LAMB1: variants seen among roughly 807,000 people sequenced by gnomAD.
LAMB1 encodes laminin subunit beta-1.
A neutral mutation model predicts 222.3 loss-of-function variants in LAMB1; 121 were observed. The observed-to-expected ratio is 0.54, with a 90% CI of 0.47 to 0.63. The LOEUF (loss-of-function observed/expected upper bound fraction) is 0.63. LAMB1 is among the 30% of genes least tolerant of loss of function. The probability of loss-of-function intolerance (pLI) is 0.00; values close to 1 mark genes in which losing one functional copy is unlikely to be tolerated. For synonymous variants in LAMB1, 794 were observed against 807.2 expected (o/e 0.98, Z 0.28); for missense variants, 2,172 against 2,240.8 (o/e 0.97, Z 0.62).
intron 13 of LAMB1, among the ~76,000 whole-genome samples, chr7:107,966,447 G>A (rs924558113): frequency 2.0e-5 from 3 of 152,040 alleles, no homozygotes; most frequent in African/African-American, 7.2e-5. Flanking sequence ...CTGACCTCGT[G>A]ATCCATCTGC....
chr7:107,930,322 T>C (rs373212078), intron 29 of LAMB1, among the ~76,000 whole-genome samples: 6 of 152,248 alleles, frequency 3.9e-5, no homozygotes, highest in African/African-American at 9.6e-5. Context: ...TTTTAAACTA[T>C]TGAACATAAA....
chr7:107,998,513 A>G (rs1446643079), intron 3 of LAMB1, 21 bp from the exon 4 acceptor site: 2 of 1,610,286 alleles, frequency 1.2e-6, no homozygotes, highest in East Asian at 4.5e-5. Context: ...AGTTGAGTTC[A>G]TCAGTCTAGA....
chr7:107,947,090 A>C (rs1489396240), intron 24 of LAMB1, among the ~76,000 whole-genome samples: 1 of 152,184 alleles, frequency 6.6e-6, no homozygotes, highest in Non-Finnish European at 1.5e-5. Flanking sequence ...CAGCACGTTC[A>C]TGGTGGGTGG....
At chr7:107,981,381 G>A (rs1024591919) in intron 7 of LAMB1, among the ~76,000 whole-genome samples, 1 of 151,948 alleles carries the variant, frequency 6.6e-6, no homozygotes, top group Admixed American at 6.6e-5. Flanking sequence ...CTGGGAGGTG[G>A]AGGTTGCAGT....
At chr7:107,959,550 C>T (rs772158119) in intron 19 of LAMB1, 70 bp from the exon 20 acceptor site, 2 of 1,605,758 alleles carry the variant, frequency 1.2e-6, no homozygotes, top group Non-Finnish European at 1.7e-6. Context: ...CTTTTATAAG[C>T]ACCCTGTCCC....
intron 26 of LAMB1, 79 bp downstream of exon 26, chr7:107,937,014 C>T: frequency 6.8e-6 from 8 of 1,172,150 alleles, no homozygotes; most frequent in South Asian, 1.7e-5. Context: ...TTTTTTTTTT[C>T]CCCAAAAGTG....
chr7:108,002,484 G>T, intron 2 of LAMB1: 1 of 1,218,194 alleles, frequency 8.2e-7, no homozygotes. Context: ...CACTCTCCTG[G>T]GCAATGGATT....
At chr7:107,982,868 G>A (rs1359885629) in intron 7 of LAMB1, among the ~76,000 whole-genome samples, 2 of 152,122 alleles carry the variant, frequency 1.3e-5, no homozygotes, top group Admixed American at 6.6e-5. Context: ...GCATGCTTCC[G>A]TAACATAGAA....
intron 7 of LAMB1, 62 bp from the exon 8 acceptor site, chr7:107,980,873 T>C (rs77435651): frequency 8.5e-6 from 8 of 945,770 alleles, no homozygotes; most frequent in African/African-American, 3.4e-5. Context: ...TTTTTTTTTT[T>C]CCTTGCATCA....
chr7:107,961,279 G>A lies in LAMB1; in HGVS notation c.2036C>T (p.Thr679Met), dbSNP rs373152146. The part of the protein sequence containing the change: ...PVCFEKGTNY[T>M]VRLELPQYTS... ...GTACTGAGGCAGCTCCAACCTCACC[G>A]TGTAGTTTGTTCCCTTCTCAAAGCA... Residue 679 changes from threonine to methionine, a missense_variant, in exon 17 of 34, where the codon ACG becomes ATG. Thr to Met is a moderately conservative substitution (Grantham distance 81). Coordinates refer to ENST00000222399, the MANE Select transcript of LAMB1 (RefSeq NM_002291.3). 96 of 1,613,942 alleles carry A rather than the reference G, an allele frequency of 5.9e-5. No homozygotes were observed. Among genetic ancestry groups the A allele is most frequent in the Middle Eastern group, 4.9e-4 (3 of 6,084 alleles).
At chr7:107,926,016 T>G (rs2032554739) in intron 32 of LAMB1, among the ~76,000 whole-genome samples, 167 bp downstream of exon 32, 1 of 152,184 alleles carries the variant, frequency 6.6e-6, no homozygotes, top group Non-Finnish European at 1.5e-5. Context: ...TATTTCCATA[T>G]TCTTTCCCAT....
intron 24 of LAMB1, chr7:107,942,000 A>G (rs571101645): frequency 2.0e-4 from 17 of 84,732 alleles, no homozygotes; most frequent in Admixed American, 1.8e-3. Flanking sequence ...CCTCTGAAAA[A>G]CTTTTTTTTT....
intron 29 of LAMB1, among the ~76,000 whole-genome samples, chr7:107,930,914 A>G (rs1450540018): frequency 6.6e-6 from 1 of 152,178 alleles, no homozygotes; most frequent in African/African-American, 2.4e-5. Flanking sequence ...GTTTTCTGTA[A>G]TTTGCAGCCA....
chr7:107,958,744 C>T (rs978406269), intron 20 of LAMB1, among the ~76,000 whole-genome samples: 3 of 152,168 alleles, frequency 2.0e-5, no homozygotes, highest in Non-Finnish European at 4.4e-5. Context: ...TCTAGCACAT[C>T]CATAATGATT....
intron 28 of LAMB1, 136 bp downstream of exon 28, chr7:107,932,038 G>A: frequency 2.4e-6 from 2 of 833,566 alleles, no homozygotes; most frequent in Non-Finnish European, 3.9e-6. Flanking sequence ...ACAGAAACAT[G>A]AACTTTCATA....
intron 24 of LAMB1, among the ~76,000 whole-genome samples, chr7:107,940,774 C>CA (rs1383990871): frequency 1.3e-5 from 2 of 152,194 alleles, no homozygotes; most frequent in Non-Finnish European, 2.9e-5. Flanking sequence ...CTATACTCTT[C>CA]ACCTCCGTCC....
intron 13 of LAMB1, among the ~76,000 whole-genome samples, chr7:107,971,504 A>G (rs546233840): frequency 1.1e-4 from 16 of 152,328 alleles, no homozygotes; most frequent in African/African-American, 3.8e-4. Flanking sequence ...GAGGGACAAC[A>G]ACTTTGAAAA....
chr7:107,989,931 C>T (rs890489739), intron 5 of LAMB1, among the ~76,000 whole-genome samples: 1 of 152,206 alleles, frequency 6.6e-6, no homozygotes, highest in Non-Finnish European at 1.5e-5. Context: ...GAATCCTTTC[C>T]ATACTCTCTG....
intron 9 of LAMB1, among the ~76,000 whole-genome samples, chr7:107,977,015 CTCCT>C (rs1168322162): frequency 2.2e-5 from 2 of 91,304 alleles, no homozygotes; most frequent in Non-Finnish European, 5.5e-5. Flanking sequence ...TTTCCTCTCT[CTCCT>C]TCCTTCCTTT....
Sources: allele counts gnomAD v4.1 joint callset (sites outside exome capture counted in the v4.1 genomes callset), GRCh38; gene constraint gnomAD v4.1.1; transcripts MANE v1.5; gene names NCBI Gene and HGNC (gene_info 2026-07-23, HGNC 2026-07-21).